KIAA0232: variants seen among roughly 807,000 people sequenced by gnomAD.
KIAA0232 encodes the protein KIAA0232.
Under a neutral mutation model 122.0 loss-of-function variants are expected in KIAA0232, and 27 were observed. The ratio of observed to expected loss-of-function variants is 0.22; its 90% CI spans 0.16 to 0.31. KIAA0232 has a LOEUF of 0.31. Among genes scored for constraint, KIAA0232 ranks in the 10% least tolerant of loss-of-function variants. The probability of loss-of-function intolerance (pLI) is 1.00; values close to 1 mark genes in which losing one functional copy is unlikely to be tolerated. For synonymous variants in KIAA0232, 613 were observed against 587.6 expected (o/e 1.04, Z -0.63); for missense variants, 1,551 against 1,634.2 (o/e 0.95, Z 0.88).
chr4:6,830,609 G>T (rs575247040), intron 3 of KIAA0232, among the ~76,000 whole-genome samples: 1 of 152,056 alleles, frequency 6.6e-6, no homozygotes, highest in African/African-American at 2.4e-5. Context: ...GTTTCACCAT[G>T]TTGGCCAGGC....
At chr4:6,813,351 G>GT (rs539648260) in intron 2 of KIAA0232, among the ~76,000 whole-genome samples, 14,663 of 140,410 alleles carry the variant, frequency 0.1, 852 homozygotes, top group South Asian at 0.12. Context: ...ACTTAGATCT[G>GT]TTTTTTTTTT....
intron 4 of KIAA0232, among the ~76,000 whole-genome samples, chr4:6,852,956 G>A (rs1422565387): frequency 6.6e-6 from 1 of 152,234 alleles, no homozygotes; most frequent in Non-Finnish European, 1.5e-5. Flanking sequence ...AGGGGCAAGT[G>A]CAGGGAGGCA....
chr4:6,860,581 A>C (rs1720798858), intron 6 of KIAA0232, among the ~76,000 whole-genome samples: 1 of 152,152 alleles, frequency 6.6e-6, no homozygotes, highest in Non-Finnish European at 1.5e-5. Context: ...AAGAGACTGC[A>C]TTCTTTCTTC....
rs5855932 is a variant in KIAA0232, at chr4:6,833,025, A to AC, written c.231+8342dup. Among the ~76,000 whole-genome samples, 767 of 152,276 alleles carry AC rather than the reference A, an allele frequency of 5.0e-3. 8 individuals are homozygous for AC. Among genetic ancestry groups the AC allele is most frequent in the African/African-American group, 0.018 (733 of 41,552 alleles). On this transcript the variant is annotated intron_variant, in intron 3 of 9. Transcript: ENST00000307659. Reference sequence around the variant, plus strand: ...GTGAGACTCATCCCTTCTTCATTCAACAGACCTTATTTGCTCCTTCAGCCT... The same window carrying AC: ...GTGAGACTCATCCCTTCTTCATTCAACCAGACCTTATTTGCTCCTTCAGCCT...
chr4:6,869,183 G>T (rs1013393696), intron 7 of KIAA0232, among the ~76,000 whole-genome samples: 2 of 152,038 alleles, frequency 1.3e-5, no homozygotes, highest in African/African-American at 4.8e-5. Flanking sequence ...TGCTTTCCCT[G>T]ACCTGTCCCA....
intron 1 of KIAA0232, among the ~76,000 whole-genome samples, chr4:6,793,599 A>G (rs944939222): frequency 6.6e-6 from 1 of 151,228 alleles, no homozygotes; most frequent in Non-Finnish European, 1.5e-5. Flanking sequence ...GTCAGGTTCA[A>G]TTGAATAAGA....
rs112196705 is a variant in KIAA0232, at chr4:6,833,049, C to T, written c.231+8365C>T. Among the ~76,000 whole-genome samples, 1,349 of 152,304 alleles carry T rather than the reference C, an allele frequency of 8.9e-3. 8 individuals are homozygous for T. Among genetic ancestry groups the T allele is most frequent in the Admixed American group, 0.013 (202 of 15,292 alleles). ...AACAGACCTTATTTGCTCCTTCAGC[C>T]TATTTGTAACATACTCCTGTAGCGT... On this transcript the variant is annotated intron_variant, in intron 3 of 9. Coordinates refer to ENST00000307659, the MANE Select transcript of KIAA0232 (RefSeq NM_014743.3).
At chr4:6,812,278 T>C (rs1475774699) in intron 2 of KIAA0232, among the ~76,000 whole-genome samples, 1 of 152,116 alleles carries the variant, frequency 6.6e-6, no homozygotes, top group African/African-American at 2.4e-5. Flanking sequence ...AAATGTACTA[T>C]ATTTGCACAC....
chr4:6,876,632 T>C, intron 8 of KIAA0232, 28 bp from the exon 9 acceptor site: 1 of 1,433,974 alleles, frequency 7.0e-7, no homozygotes, highest in Non-Finnish European at 9.8e-7. Context: ...CTTTCCCTCT[T>C]TTCCCTTCTC....
chr4:6,824,527 T>A lies in KIAA0232; in HGVS notation c.74T>A (p.Val25Glu), dbSNP rs1718577755. Residue 25 changes from valine to glutamate, a missense_variant, in exon 3 of 10, where the codon GTG (valine) becomes GAG (glutamate). Coordinates refer to ENST00000307659, the MANE Select transcript of KIAA0232 (RefSeq NM_014743.3). ...TCCTCAAGTTCTTATCCAGGCCCTG[T>A]GTCTGTTTCTGAAATGTCTCTGCTT... ...ESSSSSYPGP[V>E]SVSEMSLLHA... is the part of the protein sequence containing the mutation. 1 of 1,614,220 alleles carries A rather than the reference T, an allele frequency of 6.2e-7. No individual in the cohort carries two copies. The highest frequency in any genetic ancestry group is 1.7e-5 in the Admixed American group (1 of 60,028).
intron 4 of KIAA0232, among the ~76,000 whole-genome samples, chr4:6,853,667 G>A (rs1391169620): frequency 6.6e-6 from 1 of 152,212 alleles, no homozygotes; most frequent in African/African-American, 2.4e-5. Context: ...AAACCTGTAA[G>A]ATGATTAATA....
At chr4:6,815,976 A>C (rs1718103482) in intron 2 of KIAA0232, among the ~76,000 whole-genome samples, 2 of 152,194 alleles carry the variant, frequency 1.3e-5, no homozygotes, top group African/African-American at 4.8e-5. Context: ...CAACAAAAAG[A>C]ATCTTATGGT....
chr4:6,854,132 A>G (rs1421801947), intron 4 of KIAA0232, among the ~76,000 whole-genome samples: 2 of 152,244 alleles, frequency 1.3e-5, no homozygotes, highest in Non-Finnish European at 2.9e-5. Flanking sequence ...TTTTGAAGTG[A>G]TGAATCAAAA....
At chr4:6,804,216 C>T (rs1186900119) in intron 1 of KIAA0232, among the ~76,000 whole-genome samples, 2 of 152,146 alleles carry the variant, frequency 1.3e-5, no homozygotes, top group African/African-American at 4.8e-5. Context: ...TAATACTTAG[C>T]AAATGTTTGT....
chr4:6,816,695 A>T (rs1007199752), intron 2 of KIAA0232, among the ~76,000 whole-genome samples: 2 of 152,190 alleles, frequency 1.3e-5, no homozygotes, highest in African/African-American at 4.8e-5. Context: ...CTTTTCTTAA[A>T]TATTTGGTAG....
chr4:6,861,537 C>CCTGTA lies in KIAA0232; in HGVS notation c.1157_1161dup (p.Met388CysfsTer29). 1 of 1,613,984 alleles carries CCTGTA rather than the reference C, an allele frequency of 6.2e-7. No homozygotes were observed. Among genetic ancestry groups the CCTGTA allele is most frequent in the Non-Finnish European group, 8.5e-7 (1 of 1,180,002 alleles). ...ATCCTGGGAGCACTGAAGGAAAAGA[C>CCTGTA]CTGTACATGGAGAATAGAAAGGACA... On this transcript the variant is annotated frameshift_variant, in exon 7 of 10. Coordinates refer to ENST00000307659, the MANE Select transcript of KIAA0232 (RefSeq NM_014743.3). LOFTEE classifies it high-confidence loss of function.
chr4:6,874,312 G>A (rs1030681459), intron 8 of KIAA0232, among the ~76,000 whole-genome samples: 1 of 152,200 alleles, frequency 6.6e-6, no homozygotes. Flanking sequence ...TGTGACAGCT[G>A]GGGCTGCCTG....
In KIAA0232 at chr4:6,876,545, C is replaced by T. The variant is rs146117092; in HGVS notation, c.3911-115C>T. On this transcript the variant is annotated intron_variant, in intron 8 of 9. Coordinates refer to ENST00000307659, the MANE Select transcript of KIAA0232 (RefSeq NM_014743.3). ...TTAAAACCTCCGAAGGGTTGGGAGA[C>T]CTAACTGATGTAGCTTTTTAGTGAA... 3.3e-5 allele frequency: 24 copies of T among 731,026 alleles called. No homozygotes were observed. In the African/African-American group the frequency reaches 3.7e-4, roughly 11 times the overall value. The allele number at this position is 731,026 out of a possible 1,614,324, so 45.3% of individuals were successfully genotyped here. A position where few individuals can be genotyped will look rare whatever the true frequency, so the allele number is the denominator to read the frequency against.
At chr4:6,814,830 T>C (rs373219779) in intron 2 of KIAA0232, among the ~76,000 whole-genome samples, 16 of 152,332 alleles carry the variant, frequency 1.1e-4, no homozygotes, top group African/African-American at 3.4e-4. Flanking sequence ...TCAAATGATA[T>C]ATAAACTTTT....
Sources: allele counts gnomAD v4.1 joint callset (sites outside exome capture counted in the v4.1 genomes callset), GRCh38; gene constraint gnomAD v4.1.1; transcripts MANE v1.5; gene names NCBI Gene and HGNC (gene_info 2026-07-23, HGNC 2026-07-21).